The following MYH14 variants were observed in gnomAD, a reference collection of about 807,000 sequenced individuals.
The protein encoded by MYH14 is myosin-14.
MYH14 carries 123 observed loss-of-function variants against 255.5 expected under a neutral mutation model. The observed-to-expected ratio is 0.48, with a 90% CI of 0.42 to 0.56. The LOEUF is 0.56. MYH14 is among the 20% of genes least tolerant of loss of function. The pLI is 0.00. For synonymous variants in MYH14, 1,095 were observed against 1,161.2 expected (o/e 0.94, Z 1.16); for missense variants, 2,423 against 2,802.3 (o/e 0.86, Z 3.06).
In MYH14 at chr19:50,259,281, G is replaced by C; in HGVS notation, c.2354+16G>C. 6.4e-7 allele frequency: 1 copy of C among 1,559,688 alleles called. No individual in the cohort carries two copies. Among genetic ancestry groups the C allele is most frequent in the Non-Finnish European group, 8.7e-7 (1 of 1,151,732 alleles). On this transcript the variant is annotated intron_variant, in intron 19 of 42. Coordinates refer to ENST00000642316, the MANE Select transcript of MYH14 (RefSeq NM_001145809.2). ...TCCGGCAGCGGTGAGCTAGAGCGAG[G>C]GCCCAGGCCCGGCGGAGGGGCTGGG...
Position 50,210,651 on chromosome 19 carries a change from A to G in MYH14, c.286A>G (p.Ile96Val). The G allele has an allele frequency of 6.4e-7, 1 of 1,571,694 alleles. No homozygotes were observed. Among genetic ancestry groups the G allele is most frequent in the Non-Finnish European group, 8.6e-7 (1 of 1,159,876 alleles). Residue 96 changes from isoleucine to valine, a missense_variant, in exon 2 of 43, where the codon ATC (isoleucine) becomes GTC (valine). Ile to Val is a conservative substitution (Grantham distance 29, BLOSUM62 3). Coordinates refer to ENST00000642316, the MANE Select transcript of MYH14 (RefSeq NM_001145809.2). ...GCGGCTGCGACTGCCGCGGGACCAG[A>G]TCCAGCGCATGAACCCGCCCAAGTT... ...GRRLRLPRDQIQRMNPPKFSK... is the reference protein window; with the variant it reads ...GRRLRLPRDQVQRMNPPKFSK...
intron 35 of MYH14, among the ~76,000 whole-genome samples, chr19:50,290,559 T>C (rs1772857642): frequency 6.6e-6 from 1 of 152,102 alleles, no homozygotes; most frequent in African/African-American, 2.4e-5. Context: ...TGCTAGCCCC[T>C]TTGACTTAGA....
rs764190666 is a variant in MYH14 at position 50,309,754 on chromosome 19, G to A, written c.6075G>A (p.Pro2025=). 21 of 1,589,296 alleles carry A rather than the reference G, an allele frequency of 1.3e-5. No individual in the cohort carries two copies. Among genetic ancestry groups the A allele is most frequent in the Non-Finnish European group, 1.5e-5 (18 of 1,168,342 alleles). Reference sequence around the variant, plus strand: ...CACAGCCTGGGTCTGGGCCATCCCCGGAGCCTGAGGGGTCCCCACCAGCCC... The same window carrying A: ...CACAGCCTGGGTCTGGGCCATCCCCAGAGCCTGAGGGGTCCCCACCAGCCC... ...EEAQPGSGPS[P]EPEGSPPAHP... is the part of the protein sequence containing the mutation. The change falls in exon 43 of 43, where the codon CCG becomes CCA. Residue 2025 remains proline, a synonymous_variant. Coordinates refer to ENST00000642316, the MANE Select transcript of MYH14 (RefSeq NM_001145809.2).
In MYH14 at chr19:50,250,758, G is replaced by C; in HGVS notation, c.1830+70G>C. ...AGGGATCTCCACTGGCTACAGATGG[G>C]GGGAGGGTGCAGAGGGAAAACAGGG... is the stretch of plus-strand genomic sequence containing the variant. On this transcript the variant is annotated intron_variant, in intron 15 of 42. Transcript: ENST00000642316. This position sits in a 1 kb window ranked among gnomAD's most constrained non-coding sequence, Gnocchi z 5.4. The C allele has an allele frequency of 6.6e-7, 1 of 1,509,074 alleles. No homozygotes were observed. The highest frequency in any genetic ancestry group is 9.0e-7 in the Non-Finnish European group (1 of 1,106,606). 93.5% of individuals were successfully genotyped at this position (1,509,074 alleles called of 1,614,324 possible).
chr19:50,271,810 A>G lies in MYH14; in HGVS notation c.3172-39A>G, dbSNP rs2123390444. The G allele has an allele frequency of 4.3e-6, 7 of 1,610,360 alleles. 1 individual carries two copies. In the Middle Eastern group the frequency reaches 6.0e-4, roughly 139 times the overall value. ...TCAGGTAAGGGCTGCTCCTGGCCCAACTCCTCCTGACTGCCCCCCATCCCA... is the reference window on the plus strand; with the variant it reads ...TCAGGTAAGGGCTGCTCCTGGCCCAGCTCCTCCTGACTGCCCCCCATCCCA... On this transcript the variant is annotated intron_variant, in intron 25 of 42. Coordinates refer to ENST00000642316, the MANE Select transcript of MYH14 (RefSeq NM_001145809.2).
Position 50,280,100 on chromosome 19 carries a change from A to G in MYH14, c.4096A>G (p.Lys1366Glu), listed in dbSNP as rs1381233299. Residue 1366 changes from lysine to glutamate, a missense_variant, in exon 31 of 43, where the codon AAG becomes GAG. By Grantham distance (56) the Lys-to-Glu change is moderately conservative. Around this residue, in one of 3 missense-constraint regions of MYH14, gnomAD observed 1,513 missense variants for 1,674.8 expected, o/e 0.90. Transcript: ENST00000642316. This position sits in a 1 kb window ranked among gnomAD's most constrained non-coding sequence, Gnocchi z 4.8. The stretch of plus-strand genomic sequence containing the variant: ...TGAGTCCAAAACCATCCGTCTTAGC[A>G]AGGAGCTGAGCAGCACAGAAGCCCA... ...EAESKTIRLS[K>E]ELSSTEAQLH... 2 of 1,610,084 alleles carry G rather than the reference A, an allele frequency of 1.2e-6. No homozygotes were observed. Among genetic ancestry groups the G allele is most frequent in the East Asian group, 2.2e-5 (1 of 44,740 alleles).
intron 10 of MYH14, among the ~76,000 whole-genome samples, chr19:50,238,750 C>T (rs1257791918): frequency 6.6e-6 from 1 of 152,122 alleles, no homozygotes; most frequent in Non-Finnish European, 1.5e-5. Context: ...CCACGACTGG[C>T]CTAGGATCCT....
At chr19:50,224,017 T>C (rs1408531238) in intron 5 of MYH14, 137 bp from the exon 6 acceptor site, 1 of 760,572 alleles carries the variant, frequency 1.3e-6, no homozygotes, top group Admixed American at 2.0e-5. Flanking sequence ...GCCACCCTAC[T>C]CCACATGCCC....
rs543795929 is a variant in MYH14, at chr19:50,266,431, C to T, written c.2695-446C>T. Among the ~76,000 whole-genome samples the T allele has an allele frequency of 1.3e-5, 2 of 152,234 alleles. No individual in the cohort carries two copies. The highest frequency in any genetic ancestry group is 2.1e-4 in the South Asian group (1 of 4,816). ...AAAATTAGCCGGACGTGGTGGCATA[C>T]GCCTGTAATCCCAGCTACTCGGGAG... On this transcript the variant is annotated intron_variant, in intron 22 of 42. Transcript: ENST00000642316. The surrounding 1 kb of genome is among the most constrained non-coding windows in gnomAD (Gnocchi z 4.1).
rs1216172735 is a variant in MYH14, at chr19:50,276,951, C to T, written c.3825+50C>T. 1 of 1,454,176 alleles carries T rather than the reference C, an allele frequency of 6.9e-7. No individual in the cohort carries two copies. 90.1% of individuals were successfully genotyped at this position (1,454,176 alleles called of 1,614,324 possible). ...CAGGGGGGCCACGGGGAGGGCAGGG[C>T]AGGACGCGGGGTTGGAGGAGGTACC... On this transcript the variant is annotated intron_variant, in intron 29 of 42. Transcript: ENST00000642316. This position sits in a 1 kb window ranked among gnomAD's most constrained non-coding sequence, Gnocchi z 4.3.
rs1234300136 is a variant in MYH14, at chr19:50,289,350, C to G, written c.4753-86C>G. 10 of 1,085,146 alleles carry G rather than the reference C, an allele frequency of 9.2e-6. No homozygotes were observed. The Admixed American group carries it at 1.2e-4, about 13-fold the overall frequency. The allele number at this position is 1,085,146 out of a possible 1,614,324, so 67.2% of individuals were successfully genotyped here. On this transcript the variant is annotated intron_variant, in intron 34 of 42. Transcript: ENST00000642316. ...CACTGACTTGCCATCTCCCCATCCT[C>G]CATCAAATCTTCCCCTACTCTAGCT...
chr19:50,293,664 C>T lies in MYH14; in HGVS notation c.5446C>T (p.Arg1816Cys), dbSNP rs376798395. Reference sequence around the variant, plus strand: ...GAGCAACTCGGAGCTGCTCAATGACCGCTACCGCAAGCTGCTCCTGCAGGT... The same window carrying T: ...GAGCAACTCGGAGCTGCTCAATGACTGCTACCGCAAGCTGCTCCTGCAGGT... Reference protein sequence around the residue: ...EQSNSELLNDRYRKLLLQVES... With the variant: ...EQSNSELLNDCYRKLLLQVES... The change falls in exon 39 of 43, where the codon CGC becomes TGC. Residue 1816 changes from arginine (R) to cysteine (C), a missense_variant. Physicochemically the swap from Arg to Cys is radical, Grantham distance 180. Coordinates refer to ENST00000642316, the MANE Select transcript of MYH14 (RefSeq NM_001145809.2). The surrounding 1 kb of genome is among the most constrained non-coding windows in gnomAD (Gnocchi z 4.1). The T allele has an allele frequency of 6.3e-5, 100 of 1,594,100 alleles. No homozygotes were observed. The highest frequency in any genetic ancestry group is 9.0e-5 in the East Asian group (4 of 44,618).
At position 50,289,619 on chromosome 19, in the gene MYH14, G is replaced by A. The variant is rs1254578721; in HGVS notation, c.4936G>A (p.Glu1646Lys). The change falls in exon 35 of 43, where the codon GAA (glutamate) becomes AAA (lysine). Residue 1646 changes from glutamate to lysine, a missense_variant. Glu to Lys is a moderately conservative substitution (Grantham distance 56, BLOSUM62 1). Coordinates refer to ENST00000642316, the MANE Select transcript of MYH14 (RefSeq NM_001145809.2). ...RDLQGRDEAG[E>K]ERRRQLAKQL... ...CCTGCAGGGCCGTGATGAGGCTGGT[G>A]AAGAGAGGCGGAGGCAGCTGGCCAA... is the stretch of plus-strand genomic sequence containing the variant. The A allele has an allele frequency of 3.7e-6, 6 of 1,611,554 alleles. No homozygotes were observed. The highest frequency in any genetic ancestry group is 1.3e-5 in the African/African-American group (1 of 75,002).
chr19:50,239,798 C>T (rs2033818393), intron 10 of MYH14, among the ~76,000 whole-genome samples: 1 of 152,112 alleles, frequency 6.6e-6, no homozygotes. Flanking sequence ...ATCTGCCCGC[C>T]TCAGCCTCCC....
At position 50,289,507 on chromosome 19, in the gene MYH14, A is replaced by T; in HGVS notation, c.4824A>T (p.Glu1608Asp). 6.2e-7 allele frequency: 1 copy of T among 1,613,254 alleles called. No homozygotes were observed. Residue 1608 changes from glutamate (E) to aspartate (D), a missense_variant, in exon 35 of 43, where the codon GAA becomes GAT. Glu to Asp is a conservative substitution (Grantham distance 45). This residue lies in a region of MYH14 where 1,513 missense variants were observed against 1,674.8 expected (regional missense o/e 0.90). Coordinates refer to ENST00000642316, the MANE Select transcript of MYH14 (RefSeq NM_001145809.2). ...AANDLRAQVT[E>D]LEDELTAAED... The stretch of plus-strand genomic sequence containing the variant: ...ATGATCTGCGAGCACAGGTGACAGA[A>T]CTGGAGGATGAGCTGACAGCGGCCG...
At position 50,276,064 on chromosome 19, in the gene MYH14, G is replaced by A. The variant is rs778243816; in HGVS notation, c.3541G>A (p.Ala1181Thr). 2 of 1,611,766 alleles carry A rather than the reference G, an allele frequency of 1.2e-6. No individual in the cohort carries two copies. The highest frequency in any genetic ancestry group is 2.2e-5 in the East Asian group (1 of 44,838). The change falls in exon 28 of 43, where the codon GCC (alanine) becomes ACC (threonine). Residue 1181 changes from alanine to threonine, a missense_variant. Ala to Thr is a moderately conservative substitution (Grantham distance 58). Transcript: ENST00000642316. The surrounding 1 kb of genome is among the most constrained non-coding windows in gnomAD (Gnocchi z 4.3). ...LREAQAALAEAQEDLESERVA... is the reference protein window; with the variant it reads ...LREAQAALAETQEDLESERVA... ...GGAGGCTCAAGCAGCCCTGGCCGAG[G>A]CCCAGGAGGACCTGGAGTCTGAGCG...
At chr19:50,216,801 C>CTTTTTTTTT (rs200626930) in intron 2 of MYH14, among the ~76,000 whole-genome samples, 1 of 112,792 alleles carries the variant, frequency 8.9e-6, no homozygotes. Context: ...TCCATCCTTT[C>CTTTTTTTTT]TTTTTTTTTT....
rs756511222 is a variant in MYH14, at chr19:50,252,599, G to A, written c.1831-40G>A. ...CTTAGGAAATCCAGAGAATGTCTGA[G>A]CCTGCAAGTCATCGCCCTCCTCTAC... On this transcript the variant is annotated intron_variant, in intron 15 of 42. Coordinates refer to ENST00000642316, the MANE Select transcript of MYH14 (RefSeq NM_001145809.2). This position sits in a 1 kb window ranked among gnomAD's most constrained non-coding sequence, Gnocchi z 4.2. The A allele has an allele frequency of 2.2e-6, 3 of 1,357,058 alleles. No homozygotes were observed. In the East Asian group the frequency reaches 7.5e-5, roughly 34 times the overall value. The allele number at this position is 1,357,058 out of a possible 1,614,324, so 84.1% of individuals were successfully genotyped here.
At chr19:50,281,453 C>A in intron 32 of MYH14, 141 bp from the exon 33 acceptor site, 1 of 1,256,718 alleles carries the variant, frequency 8.0e-7, no homozygotes, top group Non-Finnish European at 1.1e-6. Context: ...TCACACCACT[C>A]AGAGGCAGAA....
Sources: allele counts gnomAD v4.1 joint callset (sites outside exome capture counted in the v4.1 genomes callset), GRCh38; gene constraint gnomAD v4.1.1; regional missense constraint gnomAD v4.1.1; non-coding constraint Gnocchi (gnomAD v3.1); transcripts MANE v1.5; gene names NCBI Gene and HGNC (gene_info 2026-07-23, HGNC 2026-07-21).